MALRD1: variants seen among roughly 807,000 people sequenced by gnomAD.
The protein encoded by MALRD1 is MAM and LDL receptor class A domain containing 1.
MALRD1 carries 247 observed loss-of-function variants against 242.1 expected under a neutral mutation model. The ratio of observed to expected loss-of-function variants is 1.02; its 90% confidence interval spans 0.92 to 1.13. The LOEUF (loss-of-function observed/expected upper bound fraction) is 1.13. MALRD1 is among the 50% of genes most tolerant of loss of function. The probability of loss-of-function intolerance (pLI) is 0.00; values close to 1 mark genes in which losing one functional copy is unlikely to be tolerated. For missense variants in MALRD1, 2,989 were observed against 2,533.1 expected (o/e 1.18, Z -3.86); for synonymous variants, 995 against 866.6 (o/e 1.15, Z -2.60).
intron 2 of MALRD1, among the ~76,000 whole-genome samples, chr10:19,075,129 A>G (rs1309237522): frequency 6.6e-6 from 1 of 151,948 alleles, no homozygotes; most frequent in African/African-American, 2.4e-5. Context: ...AAGAGACTCA[A>G]ACTACTTTAG....
chr10:19,354,270 G>A (rs544147343), intron 26 of MALRD1, among the ~76,000 whole-genome samples: 5 of 152,158 alleles, frequency 3.3e-5, no homozygotes, highest in African/African-American at 1.2e-4. Flanking sequence ...AGAGCTCTTT[G>A]AATATGATAA....
chr10:19,406,769 A>G (rs1413552631), intron 28 of MALRD1, among the ~76,000 whole-genome samples: 3 of 152,210 alleles, frequency 2.0e-5, no homozygotes, highest in Non-Finnish European at 4.4e-5. Context: ...ATGTTCAAAT[A>G]ATGACCCTAT....
At chr10:19,171,881 CGT>C (rs1564440960) in intron 13 of MALRD1, among the ~76,000 whole-genome samples, 4 of 137,216 alleles carry the variant, frequency 2.9e-5, no homozygotes, top group African/African-American at 8.0e-5. Context: ...CACGTATATA[CGT>C]ATATATATGA....
At chr10:19,341,709 G>A (rs561877773) in intron 24 of MALRD1, among the ~76,000 whole-genome samples, 3 of 151,752 alleles carry the variant, frequency 2.0e-5, no homozygotes, top group Non-Finnish European at 2.9e-5. Flanking sequence ...TTCTCATTGA[G>A]AAATTAATAT....
intron 22 of MALRD1, among the ~76,000 whole-genome samples, chr10:19,325,236 C>A (rs1482330049): frequency 2.6e-5 from 4 of 151,768 alleles, no homozygotes; most frequent in Non-Finnish European, 5.9e-5. Flanking sequence ...TTTATTTGCT[C>A]CTCAAACTGT....
chr10:19,072,981 C>G (rs1298771223), intron 2 of MALRD1, among the ~76,000 whole-genome samples: 1 of 151,854 alleles, frequency 6.6e-6, no homozygotes, highest in Non-Finnish European at 1.5e-5. Flanking sequence ...GTGGCATGAT[C>G]TCATCTTACT....
At position 19,352,264 on chromosome 10, in the gene MALRD1, G is replaced by A. The variant is rs193181451; in HGVS notation, c.4408G>A (p.Val1470Met). 396 of 1,550,128 alleles carry A rather than the reference G, an allele frequency of 2.6e-4. No individual in the cohort carries two copies. Among genetic ancestry groups the A allele is most frequent in the Admixed American group, 8.4e-4 (43 of 50,944 alleles). The change falls in exon 26 of 40, where the codon GTG becomes ATG. Residue 1470 changes from valine to methionine, a missense_variant. Physicochemically the swap from Val to Met is conservative, Grantham distance 21. Transcript: ENST00000454679. Reference protein sequence around the residue: ...TENCLSLHDSVQEELAVPLPT... With the variant: ...TENCLSLHDSMQEELAVPLPT... ...AAATTGTCTATCACTCCATGATTCC[G>A]TGCAAGAAGAACTGGCAGTGCCTCT...
intron 18 of MALRD1, among the ~76,000 whole-genome samples, chr10:19,224,612 T>C (rs1315076580): frequency 1.3e-5 from 2 of 152,192 alleles, no homozygotes; most frequent in African/African-American, 4.8e-5. Context: ...TTTTTTCATA[T>C]GTTTATTGGC....
intron 32 of MALRD1, among the ~76,000 whole-genome samples, chr10:19,533,058 A>G (rs1178269577): frequency 6.6e-6 from 1 of 152,170 alleles, no homozygotes; most frequent in Admixed American, 6.5e-5. Flanking sequence ...GCATCAGTGG[A>G]AAGGCCACCA....
intron 28 of MALRD1, among the ~76,000 whole-genome samples, chr10:19,409,302 C>T (rs1439033945): frequency 6.6e-6 from 1 of 151,934 alleles, no homozygotes. Context: ...AAATAGATAA[C>T]AGGCTGGGTG....
chr10:19,220,641 G>T (rs1214203753), intron 18 of MALRD1, among the ~76,000 whole-genome samples: 2 of 152,096 alleles, frequency 1.3e-5, no homozygotes, highest in Non-Finnish European at 2.9e-5. Flanking sequence ...ATGCGTTCTA[G>T]ATACTCCAGT....
chr10:19,518,777 T>C (rs1380758433), intron 31 of MALRD1, among the ~76,000 whole-genome samples: 2 of 152,218 alleles, frequency 1.3e-5, no homozygotes, highest in African/African-American at 4.8e-5. Flanking sequence ...ACTTCCTAAA[T>C]AGAACAAACT....
intron 33 of MALRD1, among the ~76,000 whole-genome samples, chr10:19,569,523 A>G (rs1836411924): frequency 2.0e-5 from 3 of 151,268 alleles, no homozygotes; most frequent in African/African-American, 4.8e-5. Flanking sequence ...TTTTTAGAAC[A>G]TTTGCTTTCT....
chr10:19,317,204 G>A (rs1053543856), intron 21 of MALRD1, among the ~76,000 whole-genome samples: 1 of 151,840 alleles, frequency 6.6e-6, no homozygotes, highest in Non-Finnish European at 1.5e-5. Context: ...AGGCTAATAA[G>A]GCTATGATCA....
At position 19,615,908 on chromosome 10, in the gene MALRD1, A is replaced by G; in HGVS notation, c.6122A>G (p.Asn2041Ser). The change falls in exon 36 of 40, where the codon AAT (asparagine) becomes AGT (serine). Residue 2041 changes from asparagine to serine, a missense_variant. Physicochemically the swap from Asn to Ser is conservative, Grantham distance 46. Coordinates refer to ENST00000454679, the MANE Select transcript of MALRD1 (RefSeq NM_001142308.3). Reference protein sequence around the residue: ...RNGGTCVVEKNGPMCRCRQGW... With the variant: ...RNGGTCVVEKSGPMCRCRQGW... ...GGTGGGACTTGTGTAGTGGAGAAAA[A>G]TGGTCCTATGTGTCGGTAAGAAGCA... The G allele has an allele frequency of 6.5e-7, 1 of 1,531,524 alleles. No individual in the cohort carries two copies. The highest frequency in any genetic ancestry group is 8.7e-7 in the Non-Finnish European group (1 of 1,144,428). 94.9% of individuals were successfully genotyped at this position (1,531,524 alleles called of 1,614,324 possible).
chr10:19,426,841 G>T (rs1463155459), intron 28 of MALRD1, among the ~76,000 whole-genome samples: 2 of 152,002 alleles, frequency 1.3e-5, no homozygotes, highest in East Asian at 1.9e-4. Flanking sequence ...ATAAATTCTG[G>T]CATCTTAAGT....
intron 2 of MALRD1, among the ~76,000 whole-genome samples, chr10:19,070,836 CTTTTTTTTTTTTTTTTTTT>C (rs3042437): frequency 1.9e-5 from 1 of 52,444 alleles, no homozygotes; most frequent in Non-Finnish European, 3.4e-5. Flanking sequence ...AAATGACAAA[CTTTTTTTTTTTTTTTTTTT>C]TTTTTTTTTT....
chr10:19,356,285 G>A (rs748648451), intron 26 of MALRD1, among the ~76,000 whole-genome samples: 5 of 151,908 alleles, frequency 3.3e-5, no homozygotes, highest in Non-Finnish European at 7.4e-5. Flanking sequence ...TATATGGAAG[G>A]GAGGATAAAG....
At chr10:19,662,330 C>T (rs1442177069) in intron 36 of MALRD1, among the ~76,000 whole-genome samples, 1 of 152,146 alleles carries the variant, frequency 6.6e-6, no homozygotes, top group Admixed American at 6.5e-5. Flanking sequence ...CACTGAGGCT[C>T]TCCTTCACCT....
Sources: allele counts gnomAD v4.1 joint callset (sites outside exome capture counted in the v4.1 genomes callset), GRCh38; gene constraint gnomAD v4.1.1; transcripts MANE v1.5; gene names NCBI Gene and HGNC (gene_info 2026-07-23, HGNC 2026-07-21).